Variants in SLC26A5 observed in about 807,000 individuals in gnomAD.
The protein encoded by SLC26A5 is solute carrier family 26 member 5, also known as prestin.
A neutral mutation model predicts 81.0 loss-of-function variants in SLC26A5; 51 were observed. The observed-to-expected ratio is 0.63, with a 90% CI of 0.50 to 0.80. The LOEUF is 0.80. Ranked by LOEUF, SLC26A5 falls within the 30% of genes least tolerant of loss-of-function variation. SLC26A5 has a pLI of 0.00. For missense variants in SLC26A5, 771 were observed against 905.8 expected (o/e 0.85, Z 1.91); for synonymous variants, 325 against 332.8 (o/e 0.98, Z 0.25).
At chr7:103,433,720 T>TTTTTA (rs1826248792) in intron 2 of SLC26A5, among the ~76,000 whole-genome samples, 1 of 148,798 alleles carries the variant, frequency 6.7e-6, no homozygotes, top group African/African-American at 2.5e-5. Context: ...TTTTTTTTTT[T>TTTTTA]GAGACAGAGT....
Position 103,408,744 on chromosome 7 carries a change from T to G in SLC26A5, c.736-741A>C, listed in dbSNP as rs144475449. 2.6e-5 allele frequency among the ~76,000 whole-genome samples: 4 copies of G among 152,266 alleles called. No individual in the cohort carries two copies. The East Asian group carries it at 7.7e-4, about 29-fold the overall frequency. On this transcript the variant is annotated intron_variant, in intron 7 of 19. Transcript: ENST00000306312. ...AGCAGGACTTTGAAGTCAAGAGTGC[T>G]GATGTTTGGGAAAGGAACCTAGGAG...
At chr7:103,361,426 C>T (rs1276217216) in intron 19 of SLC26A5, among the ~76,000 whole-genome samples, 1 of 141,362 alleles carries the variant, frequency 7.1e-6, no homozygotes, top group African/African-American at 2.7e-5. Flanking sequence ...AGGAGAATTG[C>T]ATGAACCCAA....
chr7:103,402,662 G>C lies in SLC26A5; in HGVS notation c.889-4648C>G, dbSNP rs560133381. 5.3e-5 allele frequency among the ~76,000 whole-genome samples: 8 copies of C among 152,216 alleles called. No homozygotes were observed. The East Asian group carries it at 1.5e-3, about 29-fold the overall frequency. ...GATTTGCCTGCCTCGGCCTCCCAAA[G>C]TGCTCGGATTACAGGCGTGAGCCAC... On this transcript the variant is annotated intron_variant, in intron 8 of 19. Transcript: ENST00000306312.
downstream of SLC26A5, among the ~76,000 whole-genome samples, chr7:103,372,539 G>A (rs1821098202): frequency 6.6e-6 from 1 of 152,156 alleles, no homozygotes; most frequent in African/African-American, 2.4e-5. Context: ...TGACAAATTG[G>A]TTTAAAGGTA....
chr7:103,384,549 G>A (rs138039196), intron 14 of SLC26A5, among the ~76,000 whole-genome samples: 202 of 152,028 alleles, frequency 1.3e-3, no homozygotes, highest in African/African-American at 4.7e-3. Flanking sequence ...CCCAGGAGGT[G>A]GAGGTTGCAG....
At chr7:103,362,788 C>A (rs555881784) in intron 19 of SLC26A5, 4 of 1,199,662 alleles carry the variant, frequency 3.3e-6, no homozygotes, top group South Asian at 1.3e-5. Context: ...AAAAGGAAGG[C>A]TATGTCTTTT....
In SLC26A5 at chr7:103,367,341, G is replaced by A. The variant is rs1045911858; in HGVS notation, c.2041+9467C>T. The stretch of plus-strand genomic sequence containing the variant: ...GACATGATTTGAGCTGAGATTTTTG[G>A]TACTTTCAGGTCATGCATAGTGCTA... On this transcript the variant is annotated intron_variant, in intron 19 of 19. Transcript: ENST00000339444. The surrounding 1 kb of genome is among the most constrained non-coding windows in gnomAD (Gnocchi z 6.1). 2.1e-6 allele frequency: 3 copies of A among 1,443,544 alleles called. No individual in the cohort carries two copies. The highest frequency in any genetic ancestry group is 1.9e-6 in the Non-Finnish European group (2 of 1,034,610). 89.4% of individuals were successfully genotyped at this position (1,443,544 alleles called of 1,614,324 possible). A position where few individuals can be genotyped will look rare whatever the true frequency, so the allele number is the denominator to read the frequency against.
intron 2 of SLC26A5, among the ~76,000 whole-genome samples, chr7:103,440,579 G>A (rs75803367): frequency 1.3e-5 from 2 of 152,240 alleles, no homozygotes; most frequent in East Asian, 3.9e-4. Context: ...AAGTAGGTCA[G>A]GAATAAATTA....
At chr7:103,416,358 C>A (rs1379759362) in intron 4 of SLC26A5, among the ~76,000 whole-genome samples, 1 of 152,224 alleles carries the variant, frequency 6.6e-6, no homozygotes, top group Non-Finnish European at 1.5e-5. Flanking sequence ...TTATAGGTCA[C>A]CATCTGCTTT....
chr7:103,394,099 G>A (rs1357075377), intron 9 of SLC26A5, among the ~76,000 whole-genome samples: 1 of 152,142 alleles, frequency 6.6e-6, no homozygotes, highest in Non-Finnish European at 1.5e-5. Context: ...AAACCATAAA[G>A]AACCTGCTTG....
downstream of SLC26A5, chr7:103,369,387 T>A (rs1820895569): frequency 6.6e-6 from 1 of 152,234 alleles, no homozygotes; most frequent in Non-Finnish European, 1.5e-5. Flanking sequence ...TGTACACATT[T>A]AGAACACACT....
Position 103,374,292 on chromosome 7 carries a change from A to G in SLC26A5, c.*107T>C, listed in dbSNP as rs1313933877. The G allele has an allele frequency of 2.0e-6, 3 of 1,536,902 alleles. No individual in the cohort carries two copies. Among genetic ancestry groups the G allele is most frequent in the Non-Finnish European group, 2.6e-6 (3 of 1,142,446 alleles). On this transcript the variant is annotated 3_prime_UTR_variant, in exon 20 of 20. Transcript: ENST00000306312. Reference sequence around the variant, plus strand: ...TCACCCTCCAAATCAAGCCTGGACTACTAGTATTCACCCTTAGAAAAAAAA... The same window carrying G: ...TCACCCTCCAAATCAAGCCTGGACTGCTAGTATTCACCCTTAGAAAAAAAA...
chr7:103,420,265 T>C (rs1825235417), intron 4 of SLC26A5, among the ~76,000 whole-genome samples: 1 of 151,740 alleles, frequency 6.6e-6, no homozygotes, highest in South Asian at 2.1e-4. Flanking sequence ...GTAACACCAT[T>C]TTCTACTATT....
intron 8 of SLC26A5, among the ~76,000 whole-genome samples, chr7:103,404,818 C>T (rs1823899090): frequency 6.6e-6 from 1 of 152,162 alleles, no homozygotes. Flanking sequence ...TCAGGTACAC[C>T]AGTCAAACGT....
At chr7:103,422,266 A>G (rs1825408672) in intron 2 of SLC26A5, among the ~76,000 whole-genome samples, 1 of 152,244 alleles carries the variant, frequency 6.6e-6, no homozygotes, top group African/African-American at 2.4e-5. Flanking sequence ...AGTTGTGTAC[A>G]AGAATGTTTT....
At chr7:103,428,000 C>T (rs1400417389) in intron 2 of SLC26A5, among the ~76,000 whole-genome samples, 5 of 151,844 alleles carry the variant, frequency 3.3e-5, no homozygotes, top group African/African-American at 7.3e-5. Flanking sequence ...TTACAGGCAC[C>T]CACCACCATG....
At chr7:103,422,688 A>T (rs1178052989) in intron 2 of SLC26A5, among the ~76,000 whole-genome samples, 1 of 152,176 alleles carries the variant, frequency 6.6e-6, no homozygotes, top group Non-Finnish European at 1.5e-5. Context: ...AAATGTGAAG[A>T]TCTGATTATG....
intron 2 of SLC26A5, among the ~76,000 whole-genome samples, chr7:103,425,994 T>C (rs1475330486): frequency 1.3e-5 from 2 of 152,176 alleles, no homozygotes; most frequent in Non-Finnish European, 2.9e-5. Context: ...CACCCATCCA[T>C]GTACCCAGCA....
chr7:103,419,056 T>C (rs1448883463), intron 4 of SLC26A5, among the ~76,000 whole-genome samples: 1 of 152,162 alleles, frequency 6.6e-6, no homozygotes, highest in Non-Finnish European at 1.5e-5. Context: ...CTGATGATTT[T>C]ACGAGGGGCA....
Sources: gnomAD v4.1 joint callset for allele counts (sites outside exome capture counted in the v4.1 genomes callset) on GRCh38, gnomAD v4.1.1 for gene constraint, Gnocchi (gnomAD v3.1) non-coding constraint, MANE v1.5 for transcripts, NCBI Gene and HGNC (gene_info 2026-07-23, HGNC 2026-07-21) for gene names.